Variants in ZNF14 observed in about 807,000 individuals in gnomAD.
ZNF14 encodes the protein gonadotropin inducible transcription repressor-4.
In ZNF14, 9 loss-of-function variants were observed where a neutral mutation model predicts 11.3. That is an observed-to-expected ratio of 0.80 (90% CI 0.48 to 1.39). The LOEUF is 1.39. Among genes scored for constraint, ZNF14 ranks in the 40% most tolerant of loss-of-function variants. The pLI is 0.00. For missense variants in ZNF14, 711 were observed against 763.9 expected (o/e 0.93, Z 0.82); for synonymous variants, 239 against 245.7 (o/e 0.97, Z 0.25).
chr19:19,731,608 C>T (rs1292114005), intron 1 of ZNF14, among the ~76,000 whole-genome samples: 1 of 151,746 alleles, frequency 6.6e-6, no homozygotes, highest in African/African-American at 2.4e-5. Context: ...ACAAAACTAC[C>T]CACAATGACT....
chr19:19,716,099 CG>C (rs1333582542), intron 1 of ZNF14, among the ~76,000 whole-genome samples: 1 of 151,968 alleles, frequency 6.6e-6, no homozygotes, highest in Non-Finnish European at 1.5e-5. Context: ...TGGGAAGACT[CG>C]GGTAGGCTGG....
In ZNF14 at chr19:19,724,831, T is replaced by C. The variant is rs561405294; in HGVS notation, c.3+8125A>G. Among the ~76,000 whole-genome samples the C allele has an allele frequency of 3.7e-5, 5 of 133,632 alleles. 1 individual carries two copies. In the South Asian group the frequency reaches 1.2e-3, roughly 33 times the overall value. The allele number at this position is 133,632 out of a possible 152,430, so 87.7% of individuals were successfully genotyped here. On this transcript the variant is annotated intron_variant, in intron 1 of 3. Coordinates refer to ENST00000344099, the MANE Select transcript of ZNF14 (RefSeq NM_021030.3). Reference sequence around the variant, plus strand: ...TGTTGAATTGATCCCTTTACCATTATGTAATGGCCTTCTTTGTCTCTTTTG... The same window carrying C: ...TGTTGAATTGATCCCTTTACCATTACGTAATGGCCTTCTTTGTCTCTTTTG...
At chr19:19,718,337 T>A (rs1205134866) in intron 1 of ZNF14, among the ~76,000 whole-genome samples, 1 of 152,072 alleles carries the variant, frequency 6.6e-6, no homozygotes, top group Non-Finnish European at 1.5e-5. Flanking sequence ...ACGAAGGACA[T>A]AAAATACACT....
intron 3 of ZNF14, among the ~76,000 whole-genome samples, chr19:19,713,763 T>TTTTTTTTTTTTTTC (rs1555761279): frequency 7.4e-5 from 11 of 148,930 alleles, no homozygotes; most frequent in East Asian, 2.0e-4. Flanking sequence ...TTTTTTTTTT[T>TTTTTTTTTTTTTTC]CCCCAGATGA....
At chr19:19,716,371 C>T (rs1282648706) in intron 1 of ZNF14, among the ~76,000 whole-genome samples, 2 of 152,160 alleles carry the variant, frequency 1.3e-5, no homozygotes, top group African/African-American at 2.4e-5. Context: ...TCACTGCAAC[C>T]TTCGCCTCCC....
At chr19:19,717,139 C>T (rs73006763) in intron 1 of ZNF14, among the ~76,000 whole-genome samples, 29,894 of 152,130 alleles carry the variant, frequency 0.2, 3,060 homozygotes, top group Middle Eastern at 0.26. Context: ...GCAAGCCACA[C>T]GGTAGGGTGC....
Position 19,712,047 on chromosome 19 carries a change from TTG to T in ZNF14, c.1232_1233del (p.Thr411AsnfsTer9). ...TCATAGGGTTTCTCTCCAGTGTGAG[TTG>T]TTTCGTGTTCTCGAAGGGAACTTGA... The part of the protein sequence containing the change: ...SFSSSLREHE[T>X]THTGEKPYEC... On this transcript the variant is annotated frameshift_variant, in exon 4 of 4. Coordinates refer to ENST00000344099, the MANE Select transcript of ZNF14 (RefSeq NM_021030.3). LOFTEE classifies it low-confidence loss of function (END_TRUNC). 6.2e-7 allele frequency: 1 copy of T among 1,613,968 alleles called. No individual in the cohort carries two copies. Among genetic ancestry groups the T allele is most frequent in the Non-Finnish European group, 8.5e-7 (1 of 1,179,986 alleles).
chr19:19,719,904 T>TA (rs2062387930), intron 1 of ZNF14, among the ~76,000 whole-genome samples: 1 of 152,198 alleles, frequency 6.6e-6, no homozygotes, highest in African/African-American at 2.4e-5. Context: ...TATGCCATGC[T>TA]AACACTAAGA....
intron 1 of ZNF14, among the ~76,000 whole-genome samples, chr19:19,731,159 TATTG>T (rs1737673226): frequency 2.0e-5 from 3 of 152,290 alleles, no homozygotes; most frequent in Non-Finnish European, 2.9e-5. Flanking sequence ...AACCATTATT[TATTG>T]ATTATTTTAT....
chr19:19,732,844 G>A, intron 1 of ZNF14, 112 bp downstream of exon 1: 1 of 1,414,606 alleles, frequency 7.1e-7, no homozygotes, highest in Non-Finnish European at 9.6e-7. Context: ...CTGCGCCCGC[G>A]GTGGCCCCCG....
At chr19:19,714,561 G>A in intron 1 of ZNF14, 74 bp from the exon 2 acceptor site, 1 of 1,523,428 alleles carries the variant, frequency 6.6e-7, no homozygotes, top group Non-Finnish European at 8.8e-7. Context: ...TGATTTGTAA[G>A]AAGTTCCCAT....
chr19:19,716,186 G>C (rs1322192643), intron 1 of ZNF14, among the ~76,000 whole-genome samples: 1 of 152,172 alleles, frequency 6.6e-6, no homozygotes, highest in African/African-American at 2.4e-5. Context: ...AATGTGGATT[G>C]AATGTCTCAC....
chr19:19,728,667 GA>G (rs1568452046), intron 1 of ZNF14, among the ~76,000 whole-genome samples: 1 of 132,236 alleles, frequency 7.6e-6, no homozygotes, highest in African/African-American at 2.8e-5. Flanking sequence ...TTACAAAGCA[GA>G]TCTAAAAGAT....
In ZNF14 at chr19:19,712,925, T is replaced by C. The variant is rs145263147; in HGVS notation, c.356A>G (p.Asn119Ser). Reference sequence around the variant, plus strand: ...TCCAGTGTGAGATCTCATGTGCCTATTAAGGGACGAATGATGAATGAAGTC... The same window carrying C: ...TCCAGTGTGAGATCTCATGTGCCTACTAAGGGACGAATGATGAATGAAGTC... ...GRDFIHHSSL[N>S]RHMRSHTGQK... Residue 119 changes from asparagine to serine, a missense_variant, in exon 4 of 4, where the codon AAT becomes AGT. By Grantham distance (46) the Asn-to-Ser change is conservative. Coordinates refer to ENST00000344099, the MANE Select transcript of ZNF14 (RefSeq NM_021030.3). The C allele has an allele frequency of 6.5e-5, 105 of 1,614,040 alleles. No individual in the cohort carries two copies. The highest frequency in any genetic ancestry group is 2.0e-4 in the African/African-American group (15 of 74,944).
intron 1 of ZNF14, among the ~76,000 whole-genome samples, chr19:19,725,713 C>A (rs1423379959): frequency 1.5e-5 from 2 of 134,130 alleles, no homozygotes; most frequent in East Asian, 4.2e-4. Context: ...TTCAGGTATA[C>A]CAATCAGATG....
Position 19,712,269 on chromosome 19 carries a change from T to C in ZNF14, c.1012A>G (p.Lys338Glu), listed in dbSNP as rs544316042. The C allele has an allele frequency of 8.7e-6, 14 of 1,613,840 alleles. No homozygotes were observed. The South Asian group carries it at 1.3e-4, about 15-fold the overall frequency. ...IHTGARPYKC[K>E]ECGKAFNSSN... is the part of the protein sequence containing the mutation. ...GAGTTGAAGGCTTTCCCACATTCTTTACATTTATAAGGTCGAGCCCCAGTG... is the reference window on the plus strand; with the variant it reads ...GAGTTGAAGGCTTTCCCACATTCTTCACATTTATAAGGTCGAGCCCCAGTG... The change falls in exon 4 of 4, where the codon AAA becomes GAA. Residue 338 changes from lysine to glutamate, a missense_variant. Coordinates refer to ENST00000344099, the MANE Select transcript of ZNF14 (RefSeq NM_021030.3).
At chr19:19,715,431 C>G (rs2013571) in intron 1 of ZNF14, among the ~76,000 whole-genome samples, 77,787 of 151,974 alleles carry the variant, frequency 0.51, 20,498 homozygotes, top group Non-Finnish European at 0.58. Context: ...TAGGTGCACC[C>G]ACCCAGTTGG....
chr19:19,733,077 A>C lies in ZNF14; in HGVS notation c.-119T>G. The C allele has an allele frequency of 1.5e-6, 2 of 1,327,842 alleles. No homozygotes were observed. The highest frequency in any genetic ancestry group is 2.6e-5 in the South Asian group (2 of 75,746). 82.3% of individuals were successfully genotyped at this position (1,327,842 alleles called of 1,614,324 possible). A position where few individuals can be genotyped will look rare whatever the true frequency, so the allele number is the denominator to read the frequency against. ...GGCCTTCAGGAGCAGGTGAAACGCA[A>C]TCTTCCCATGGGCCAGGAATGGCGA... On this transcript the variant is annotated 5_prime_UTR_variant, in exon 1 of 4. Transcript: ENST00000344099.
At position 19,712,686 on chromosome 19, in the gene ZNF14, A is replaced by T; in HGVS notation, c.595T>A (p.Cys199Ser). ...ATAAAGGTTTTTCCACATTGCTTACATTCATAGGGTTTCTGTCCAGCATGA... is the reference window on the plus strand; with the variant it reads ...ATAAAGGTTTTTCCACATTGCTTACTTTCATAGGGTTTCTGTCCAGCATGA... The part of the protein sequence containing the change: ...RTHAGQKPYE[C>S]KQCGKTFIYY... Residue 199 changes from cysteine (C) to serine (S), a missense_variant, in exon 4 of 4, where the codon TGT becomes AGT. Physicochemically the swap from Cys to Ser is moderately radical, Grantham distance 112. Coordinates refer to ENST00000344099, the MANE Select transcript of ZNF14 (RefSeq NM_021030.3). 6.2e-7 allele frequency: 1 copy of T among 1,613,870 alleles called. No individual in the cohort carries two copies. Among genetic ancestry groups the T allele is most frequent in the Non-Finnish European group, 8.5e-7 (1 of 1,179,954 alleles).
Sources: allele counts gnomAD v4.1 joint callset (sites outside exome capture counted in the v4.1 genomes callset), GRCh38; gene constraint gnomAD v4.1.1; transcripts MANE v1.5; gene names NCBI Gene and HGNC (gene_info 2026-07-23, HGNC 2026-07-21).